The following NRG1 variants were observed in gnomAD, a reference collection of about 807,000 sequenced individuals.
The protein encoded by NRG1 is neuregulin 1, also known as pro-neuregulin-1, membrane-bound isoform.
In NRG1, 18 loss-of-function variants were observed where a neutral mutation model predicts 63.8. The ratio of observed to expected loss-of-function variants is 0.28; its 90% CI spans 0.19 to 0.42. NRG1 has a LOEUF of 0.42. Ranked by LOEUF, NRG1 falls within the 10% of genes least tolerant of loss-of-function variation. The pLI, the probability that NRG1 is intolerant of heterozygous loss-of-function variation, is 1.00. For missense variants in NRG1, 762 were observed against 814.7 expected (o/e 0.94, Z 0.79); for synonymous variants, 302 against 301.3 (o/e 1.00, Z -0.02).
chr8:32,319,653 A>G (rs956271742), intron 1 of NRG1, among the ~76,000 whole-genome samples: 1 of 152,178 alleles, frequency 6.6e-6, no homozygotes, highest in African/African-American at 2.4e-5. Flanking sequence ...ATTTTTTTAA[A>G]TTAAAAGGAG....
chr8:32,235,144 A>G (rs912701545), intron 1 of NRG1, among the ~76,000 whole-genome samples: 1 of 147,966 alleles, frequency 6.8e-6, no homozygotes, highest in African/African-American at 2.5e-5. Flanking sequence ...CTGTAATCCC[A>G]GTGCTTTGGG....
intron 1 of NRG1, among the ~76,000 whole-genome samples, chr8:32,421,523 T>C (rs975158514): frequency 2.6e-5 from 4 of 152,124 alleles, no homozygotes; most frequent in Admixed American, 1.3e-4. Flanking sequence ...AGAAAAGCAA[T>C]GTGAAACAGC....
At chr8:32,510,963 T>A (rs1245993879) in intron 1 of NRG1, among the ~76,000 whole-genome samples, 1 of 150,444 alleles carries the variant, frequency 6.6e-6, no homozygotes, top group East Asian at 1.9e-4. Flanking sequence ...TCCTTTTTTT[T>A]TTTTTTTTCT....
chr8:31,644,524 G>A (rs902295156), intron 1 of NRG1, among the ~76,000 whole-genome samples: 1 of 151,964 alleles, frequency 6.6e-6, no homozygotes, highest in Non-Finnish European at 1.5e-5. Context: ...CTTACCATAT[G>A]TCCTGATGTA....
At chr8:31,669,843 G>A (rs997714830) in intron 1 of NRG1, among the ~76,000 whole-genome samples, 3 of 152,138 alleles carry the variant, frequency 2.0e-5, no homozygotes, top group African/African-American at 7.2e-5. Context: ...TAAAGCATGT[G>A]TGTGCACCTG....
At chr8:32,559,043 T>G (rs1835771610) in intron 1 of NRG1, among the ~76,000 whole-genome samples, 1 of 133,442 alleles carries the variant, frequency 7.5e-6, no homozygotes. Flanking sequence ...GATACACCAC[T>G]GCACTCCAGT....
chr8:31,886,723 C>G (rs1001984626), intron 1 of NRG1, among the ~76,000 whole-genome samples: 1 of 151,962 alleles, frequency 6.6e-6, no homozygotes, highest in African/African-American at 2.4e-5. Flanking sequence ...TGGTAGCTAG[C>G]TTGGAATAGG....
At chr8:31,729,870 T>G (rs1251932686) in intron 1 of NRG1, among the ~76,000 whole-genome samples, 2 of 152,156 alleles carry the variant, frequency 1.3e-5, no homozygotes, top group Admixed American at 1.3e-4. Context: ...TAGCCAACTC[T>G]AAGAGAAAAA....
At chr8:32,117,052 G>A (rs1002129098) in intron 1 of NRG1, among the ~76,000 whole-genome samples, 1 of 151,818 alleles carries the variant, frequency 6.6e-6, no homozygotes, top group African/African-American at 2.4e-5. Flanking sequence ...TGAAGTGGGA[G>A]GATTGCTTGA....
At chr8:32,442,853 C>A (rs1819725739) in intron 1 of NRG1, 1 of 151,932 alleles carries the variant, frequency 6.6e-6, no homozygotes, top group Non-Finnish European at 1.5e-5. Flanking sequence ...AAAAGTGAGT[C>A]TTTGTATTCT....
chr8:31,974,886 C>T (rs1392187179), intron 1 of NRG1, among the ~76,000 whole-genome samples: 1 of 152,112 alleles, frequency 6.6e-6, no homozygotes, highest in Non-Finnish European at 1.5e-5. Flanking sequence ...CACCACAAAC[C>T]CCCTGAGACA....
At chr8:32,592,762 G>C (rs1310287926) in intron 1 of NRG1, among the ~76,000 whole-genome samples, 3 of 152,060 alleles carry the variant, frequency 2.0e-5, no homozygotes, top group Admixed American at 2.0e-4. Context: ...GGGAAACATG[G>C]TCCTTAAAGA....
chr8:32,265,100 G>T (rs1251736542), intron 1 of NRG1, among the ~76,000 whole-genome samples: 1 of 152,186 alleles, frequency 6.6e-6, no homozygotes, highest in African/African-American at 2.4e-5. Flanking sequence ...CACTGTGGGA[G>T]GCCAAGGCAG....
intron 5 of NRG1, among the ~76,000 whole-genome samples, chr8:32,663,344 T>TCC (rs1347608046): frequency 6.6e-6 from 1 of 152,156 alleles, no homozygotes; most frequent in Non-Finnish European, 1.5e-5. Context: ...TCCAGTATTT[T>TCC]CCACCCGTTT....
intron 1 of NRG1, among the ~76,000 whole-genome samples, chr8:32,383,409 G>A (rs1810595480): frequency 6.6e-6 from 1 of 152,036 alleles, no homozygotes; most frequent in African/African-American, 2.4e-5. Context: ...CGTCATTGAG[G>A]GTAGCCACCA....
chr8:31,783,446 C>A (rs190856419), intron 1 of NRG1, among the ~76,000 whole-genome samples: 11 of 152,126 alleles, frequency 7.2e-5, no homozygotes, highest in Admixed American at 5.2e-4. Flanking sequence ...TTTCCCCCAG[C>A]CACTGGAAAG....
At chr8:32,118,282 C>G (rs55634025) in intron 1 of NRG1, among the ~76,000 whole-genome samples, 1 of 152,002 alleles carries the variant, frequency 6.6e-6, no homozygotes, top group Non-Finnish European at 1.5e-5. Flanking sequence ...ACTTGTTGCT[C>G]TATTAGTTTC....
At chr8:32,355,662 G>A (rs1187412672) in intron 1 of NRG1, among the ~76,000 whole-genome samples, 2 of 106,198 alleles carry the variant, frequency 1.9e-5, no homozygotes, top group Non-Finnish European at 4.3e-5. Flanking sequence ...GATGGAGAAA[G>A]AAGGGGGAAA....
chr8:32,731,199 A>G (rs937149512), intron 6 of NRG1, among the ~76,000 whole-genome samples: 1 of 152,202 alleles, frequency 6.6e-6, no homozygotes, highest in Non-Finnish European at 1.5e-5. Flanking sequence ...TTTCATTTTA[A>G]TATTGTGCCA....
Sources: gnomAD v4.1 joint callset for allele counts (sites outside exome capture counted in the v4.1 genomes callset) on GRCh38, gnomAD v4.1.1 for gene constraint, MANE v1.5 for transcripts, NCBI Gene and HGNC (gene_info 2026-07-23, HGNC 2026-07-21) for gene names.